The following SERINC1 variants were observed in gnomAD, a reference collection of about 807,000 sequenced individuals.
SERINC1 encodes the protein serine incorporator 1, also known as tumor differentially expressed protein 2.
In SERINC1, 38 loss-of-function variants were observed where a neutral mutation model predicts 52.9. The ratio of observed to expected loss-of-function variants is 0.72; its 90% CI spans 0.55 to 0.94. SERINC1 has a LOEUF of 0.94. SERINC1 is among the 40% of genes least tolerant of loss of function. The pLI is 0.00. For missense variants in SERINC1, 471 were observed against 533.9 expected (o/e 0.88, Z 1.16); for synonymous variants, 198 against 183.1 (o/e 1.08, Z -0.66).
At chr6:122,468,058 G>C (rs1247563841) in intron 1 of SERINC1, among the ~76,000 whole-genome samples, 1 of 152,124 alleles carries the variant, frequency 6.6e-6, no homozygotes. Context: ...AGCGCATAGA[G>C]AAGTATGTAC....
intron 2 of SERINC1, among the ~76,000 whole-genome samples, chr6:122,456,879 G>A (rs997409265): frequency 6.6e-6 from 1 of 152,050 alleles, no homozygotes; most frequent in Non-Finnish European, 1.5e-5. Flanking sequence ...CCAACTCTAT[G>A]CTGGTTGCTT....
chr6:122,469,220 AATT>A (rs1189163457), intron 1 of SERINC1, among the ~76,000 whole-genome samples: 1 of 151,536 alleles, frequency 6.6e-6, no homozygotes, highest in Non-Finnish European at 1.5e-5. Flanking sequence ...CATTTTCTAC[AATT>A]ATTTTATAAA....
In SERINC1 at chr6:122,453,755, G is replaced by T; in HGVS notation, c.589+15C>A. On this transcript the variant is annotated intron_variant, in intron 5 of 9. Transcript: ENST00000339697. Reference sequence around the variant, plus strand: ...AGTTCAACTATACTGAAGTTGTTCTGCGACGAAAGCTTACCTGCATACCAA... The same window carrying T: ...AGTTCAACTATACTGAAGTTGTTCTTCGACGAAAGCTTACCTGCATACCAA... The T allele has an allele frequency of 6.3e-7, 1 of 1,583,520 alleles. No homozygotes were observed. The highest frequency in any genetic ancestry group is 8.6e-7 in the Non-Finnish European group (1 of 1,159,904).
intron 1 of SERINC1, among the ~76,000 whole-genome samples, chr6:122,460,171 C>G (rs187157274): frequency 6.6e-6 from 1 of 152,258 alleles, no homozygotes; most frequent in East Asian, 1.9e-4. Flanking sequence ...ACTCCGGGTT[C>G]AAGGGATTTT....
At chr6:122,451,288 A>G (rs1189389515) in intron 7 of SERINC1, among the ~76,000 whole-genome samples, 1 of 152,206 alleles carries the variant, frequency 6.6e-6, no homozygotes, top group Non-Finnish European at 1.5e-5. Context: ...TTTTGGAAAT[A>G]AAGTACTTTC....
Position 122,458,551 on chromosome 6 carries a change from A to G in SERINC1, c.170T>C (p.Leu57Ser), listed in dbSNP as rs762801221. The change falls in exon 2 of 10, where the codon TTG becomes TCG. Residue 57 changes from leucine to serine, a missense_variant. Leu to Ser is a moderately radical substitution (Grantham distance 145). Transcript: ENST00000339697. ...CAGTTGTTCTTCCATTCCTGGTATCAACATTACACAAGCTACACATACTCC... is the reference window on the plus strand; with the variant it reads ...CAGTTGTTCTTCCATTCCTGGTATCGACATTACACAAGCTACACATACTCC... Reference protein sequence around the residue: ...LVGVCVACVMLIPGMEEQLNK... With the variant: ...LVGVCVACVMSIPGMEEQLNK... 3.1e-6 allele frequency: 5 copies of G among 1,613,078 alleles called. No individual in the cohort carries two copies. The Admixed American group carries it at 8.3e-5, about 27-fold the overall frequency.
intron 1 of SERINC1, among the ~76,000 whole-genome samples, chr6:122,459,446 TTAGA>T (rs1037388149): frequency 1.3e-5 from 2 of 152,142 alleles, no homozygotes; most frequent in African/African-American, 4.8e-5. Context: ...GAAAAGAGTC[TTAGA>T]TATCACAGTA....
intron 9 of SERINC1, among the ~76,000 whole-genome samples, chr6:122,446,387 T>C (rs1033683302): frequency 2.6e-5 from 4 of 152,096 alleles, no homozygotes; most frequent in African/African-American, 9.7e-5. Flanking sequence ...AATGAATTCA[T>C]ACTTAAATTT....
chr6:122,451,923 C>T lies in SERINC1; in HGVS notation c.724G>A (p.Gly242Ser), dbSNP rs150854618. ...FISVNMLLCVGASVMSILPKI... is the reference protein window; with the variant it reads ...FISVNMLLCVSASVMSILPKI... ...GGCAGTATAGACATTACAGAAGCACCAACGCAGAGGAGCATGTTGACACTG... is the reference window on the plus strand; with the variant it reads ...GGCAGTATAGACATTACAGAAGCACTAACGCAGAGGAGCATGTTGACACTG... Residue 242 changes from glycine to serine, a missense_variant, in exon 6 of 10, where the codon GGT becomes AGT. Coordinates refer to ENST00000339697, the MANE Select transcript of SERINC1 (RefSeq NM_020755.4). 48 of 1,587,282 alleles carry T rather than the reference C, an allele frequency of 3.0e-5. No individual in the cohort carries two copies. The highest frequency in any genetic ancestry group is 4.1e-5 in the Non-Finnish European group (48 of 1,168,510).
Position 122,450,423 on chromosome 6 carries a change from AC to A in SERINC1, c.850+1240del, listed in dbSNP as rs536412136. 4.5e-3 allele frequency among the ~76,000 whole-genome samples: 681 copies of A among 152,362 alleles called. 2 individuals carry two copies. The highest frequency in any genetic ancestry group is 0.01 in the Admixed American group (157 of 15,304). ...TACTCAATGACGATGCACCTGGGTC[AC>A]CCAAAAGCTCTGATAGAGATGTACA... On this transcript the variant is annotated intron_variant, in intron 7 of 9. Transcript: ENST00000339697.
chr6:122,451,776 A>AAAAAAAAATATATATATATATATAT, intron 6 of SERINC1, 22 bp from the exon 7 acceptor site: 4 of 113,076 alleles, frequency 3.5e-5, no homozygotes, highest in African/African-American at 7.4e-5. Context: ...AAAAAAAAAA[A>AAAAAAAAATATATATATATATATAT]ATATATATAT....
Position 122,456,513 on chromosome 6 carries a change from A to G in SERINC1, c.339T>C (p.Ser113=). The G allele has an allele frequency of 6.2e-7, 1 of 1,609,014 alleles. No individual in the cohort carries two copies. Among genetic ancestry groups the G allele is most frequent in the Non-Finnish European group, 8.5e-7 (1 of 1,177,948 alleles). Residue 113 remains serine, a synonymous_variant, in exon 3 of 10, where the codon AGT becomes AGC. Coordinates refer to ENST00000339697, the MANE Select transcript of SERINC1 (RefSeq NM_020755.4). ...LLSLLMIKVK[S]SSDPRAAVHN... is the part of the protein sequence containing the mutation. ...GCACTGCAGCTCTAGGATCACTGCT[A>G]CTCTTCACTTTGATCATTAGTAAAG...
intron 1 of SERINC1, among the ~76,000 whole-genome samples, chr6:122,464,126 T>C (rs1372751878): frequency 6.6e-6 from 1 of 151,930 alleles, no homozygotes; most frequent in African/African-American, 2.4e-5. Flanking sequence ...AGACAGAAAA[T>C]AGGGGTTGCC....
At chr6:122,456,194 T>C (rs543599478) in intron 3 of SERINC1, among the ~76,000 whole-genome samples, 1 of 152,218 alleles carries the variant, frequency 6.6e-6, no homozygotes, top group Non-Finnish European at 1.5e-5. Context: ...AAGTTAACAG[T>C]AGAAGGAGAA....
intron 3 of SERINC1, 130 bp downstream of exon 3, chr6:122,456,351 G>A (rs1226165428): frequency 2.0e-6 from 1 of 509,326 alleles, no homozygotes; most frequent in African/African-American, 2.0e-5. Context: ...TTCTTATCCT[G>A]TCATTCATGA....
intron 3 of SERINC1, 157 bp from the exon 4 acceptor site, chr6:122,454,387 TA>T: frequency 1.8e-6 from 1 of 560,934 alleles, no homozygotes; most frequent in South Asian, 2.5e-5. Context: ...GCCATATTTG[TA>T]ACTACAAAAC....
At chr6:122,456,947 C>T (rs1023051403) in intron 2 of SERINC1, among the ~76,000 whole-genome samples, 7 of 152,050 alleles carry the variant, frequency 4.6e-5, no homozygotes, top group African/African-American at 7.2e-5. Flanking sequence ...TTGAATAGCA[C>T]GATAGACTTG....
At chr6:122,459,842 A>G (rs1313412666) in intron 1 of SERINC1, among the ~76,000 whole-genome samples, 3 of 152,224 alleles carry the variant, frequency 2.0e-5, no homozygotes, top group African/African-American at 7.2e-5. Context: ...TTAACTAGTA[A>G]CTATCAAGAA....
At chr6:122,458,814 T>TA in intron 1 of SERINC1, 133 bp from the exon 2 acceptor site, 1 of 615,034 alleles carries the variant, frequency 1.6e-6, no homozygotes, top group Middle Eastern at 3.4e-4. Flanking sequence ...TCAAGGGACA[T>TA]ACGGTATTTG....
Sources: allele counts gnomAD v4.1 joint callset (sites outside exome capture counted in the v4.1 genomes callset), GRCh38; gene constraint gnomAD v4.1.1; transcripts MANE v1.5; gene names NCBI Gene and HGNC (gene_info 2026-07-23, HGNC 2026-07-21).